PIK3C2A: variants seen among roughly 807,000 people sequenced by gnomAD.
PIK3C2A encodes the protein phosphatidylinositol 4-phosphate 3-kinase C2 domain-containing subunit alpha.
In PIK3C2A, 97 loss-of-function variants were observed where a neutral mutation model predicts 204.5. That is an observed-to-expected ratio of 0.47 (90% CI 0.40 to 0.56). The LOEUF is 0.56. PIK3C2A is among the 20% of genes least tolerant of loss of function. The pLI is 0.00. For missense variants in PIK3C2A, 1,735 were observed against 1,969.2 expected, an observed-to-expected ratio of 0.88 and a Z score of 2.25; for synonymous variants, 653 against 664.4, an observed-to-expected ratio of 0.98 and a Z score of 0.26.
intron 9 of PIK3C2A, 49 bp downstream of exon 9, chr11:17,136,433 T>TAAA (rs1249937722): frequency 7.1e-7 from 1 of 1,416,192 alleles, no homozygotes; most frequent in Non-Finnish European, 9.9e-7. Context: ...ATCTCCTGTT[T>TAAA]AAGTACATAT....
At chr11:17,148,860 A>G (rs1590964006) in intron 4 of PIK3C2A, 73 bp from the exon 5 acceptor site, 1 of 1,244,814 alleles carries the variant, frequency 8.0e-7, no homozygotes, top group East Asian at 2.4e-5. Flanking sequence ...TTATAATTTA[A>G]GACAGCAGTA....
rs1422042603 is a variant in PIK3C2A at position 17,110,492 on chromosome 11, T to C, written c.3484A>G (p.Lys1162Glu). ...MIKIMDKIWL[K>E]EGLDLRMVIF... ...ACCATCCTCAGATCTAGTCCTTCTT[T>C]AAGCCAGATCTTATCCATAATCTTT... is the stretch of plus-strand genomic sequence containing the variant. Residue 1162 changes from lysine (K) to glutamate (E), a missense_variant, in exon 22 of 33, where the codon AAA (lysine) becomes GAA (glutamate). By Grantham distance (56) the Lys-to-Glu change is moderately conservative. Around this residue, in one of 6 missense-constraint regions of PIK3C2A, gnomAD observed 503 missense variants for 669.0 expected, o/e 0.75. Transcript: ENST00000691414. 3 of 1,609,426 alleles carry C rather than the reference T, an allele frequency of 1.9e-6. No individual in the cohort carries two copies. The highest frequency in any genetic ancestry group is 1.7e-4 in the Middle Eastern group (1 of 6,058).
rs1565263448 is a variant in PIK3C2A at position 17,132,058 on chromosome 11, C to G, written c.2109-20G>C. On this transcript the variant is annotated intron_variant, in intron 11 of 32. Coordinates refer to ENST00000691414, the MANE Select transcript of PIK3C2A (RefSeq NM_002645.4). ...TCATAACTGAGAAAAGAAAGTTTAA[C>G]TTGATTTCTATCATGATAATACAAA... The G allele has an allele frequency of 7.1e-7, 1 of 1,405,442 alleles. No individual in the cohort carries two copies. Among genetic ancestry groups the G allele is most frequent in the Non-Finnish European group, 9.8e-7 (1 of 1,016,560 alleles). 87.1% of individuals were successfully genotyped at this position (1,405,442 alleles called of 1,614,324 possible). A position where few individuals can be genotyped will look rare whatever the true frequency, so the allele number is the denominator to read the frequency against.
rs547531559 is a variant in PIK3C2A, at chr11:17,099,941, G to T, written c.4037C>A (p.Thr1346Lys). ...AACGTATTTCAAATCTTGAATACTT[G>T]TAAGTTCTGGTAACCCTGAAGGAAT... Reference protein sequence around the residue: ...LMIPSGLPELTSIQDLKYVRD... With the variant: ...LMIPSGLPELKSIQDLKYVRD... Residue 1346 changes from threonine (T) to lysine (K), a missense_variant, in exon 26 of 33, where the codon ACA becomes AAA. Physicochemically the swap from Thr to Lys is moderately conservative, Grantham distance 78. Coordinates refer to ENST00000691414, the MANE Select transcript of PIK3C2A (RefSeq NM_002645.4). 3 of 1,574,194 alleles carry T rather than the reference G, an allele frequency of 1.9e-6. No individual in the cohort carries two copies. The highest frequency in any genetic ancestry group is 2.6e-6 in the Non-Finnish European group (3 of 1,144,558).
rs554808932 is a variant in PIK3C2A at position 17,091,598 on chromosome 11, G to C, written c.4701C>G (p.Ile1567Met). The change falls in exon 31 of 33, where the codon ATC becomes ATG. Residue 1567 changes from isoleucine to methionine, a missense_variant. Physicochemically the swap from Ile to Met is conservative, Grantham distance 10. Transcript: ENST00000691414. ...TGAAAAGAGTACCATTTCGGTAAGA[G>C]ATGGATAATTTCACAGCTCCTCCTA... Reference protein sequence around the residue: ...GQIGGAVKLSISYRNGTLFIM... With the variant: ...GQIGGAVKLSMSYRNGTLFIM... 1 of 1,613,188 alleles carries C rather than the reference G, an allele frequency of 6.2e-7. No individual in the cohort carries two copies. Among genetic ancestry groups the C allele is most frequent in the Non-Finnish European group, 8.5e-7 (1 of 1,179,152 alleles).
In PIK3C2A at chr11:17,122,764, T is replaced by C. The variant is rs1849404296; in HGVS notation, c.2449A>G (p.Thr817Ala). The C allele has an allele frequency of 6.4e-7, 1 of 1,572,842 alleles. No individual in the cohort carries two copies. The highest frequency in any genetic ancestry group is 1.3e-5 in the African/African-American group (1 of 74,086). The change falls in exon 14 of 33, where the codon ACA becomes GCA. Residue 817 changes from threonine (T) to alanine (A), a missense_variant. Physicochemically the swap from Thr to Ala is moderately conservative, Grantham distance 58. Coordinates refer to ENST00000691414, the MANE Select transcript of PIK3C2A (RefSeq NM_002645.4). ...KLLYLWTSSH[T>A]NSVPGTVTKK... ...GTAACTGTTCCAGGAACAGAATTTGTATGTGATGAAGTCCAAAGATATAGA... is the reference window on the plus strand; with the variant it reads ...GTAACTGTTCCAGGAACAGAATTTGCATGTGATGAAGTCCAAAGATATAGA...
chr11:17,145,598 A>C (rs534684996), intron 8 of PIK3C2A, 70 bp downstream of exon 8: 2 of 860,588 alleles, frequency 2.3e-6, no homozygotes, highest in Non-Finnish European at 3.9e-6. Flanking sequence ...CAATGCCAAC[A>C]CTACCATTTA....
At chr11:17,138,476 A>G (rs1226060593) in intron 8 of PIK3C2A, among the ~76,000 whole-genome samples, 1 of 151,978 alleles carries the variant, frequency 6.6e-6, no homozygotes, top group Non-Finnish European at 1.5e-5. Flanking sequence ...TATTCCTGTG[A>G]GAGCCATACT....
intron 11 of PIK3C2A, among the ~76,000 whole-genome samples, 173 bp downstream of exon 11, chr11:17,134,646 C>T (rs1307743285): frequency 1.3e-5 from 2 of 152,182 alleles, no homozygotes; most frequent in Admixed American, 6.5e-5. Flanking sequence ...CAGGCATGAG[C>T]CACCGTGCCT....
At chr11:17,101,174 A>C (rs1200788125) in intron 25 of PIK3C2A, 104 bp downstream of exon 25, 1 of 688,516 alleles carries the variant, frequency 1.5e-6, no homozygotes, top group African/African-American at 1.8e-5. Flanking sequence ...GACATTTGTG[A>C]CTAAAGCAAA....
At chr11:17,178,997 G>A (rs374578474) in intron 1 of PIK3C2A, among the ~76,000 whole-genome samples, 10 of 151,734 alleles carry the variant, frequency 6.6e-5, no homozygotes, top group African/African-American at 1.9e-4. Context: ...CCAAAGTGCT[G>A]GGATTACAGG....
chr11:17,115,146 G>C (rs1849137885), intron 19 of PIK3C2A, among the ~76,000 whole-genome samples: 1 of 151,970 alleles, frequency 6.6e-6, no homozygotes, highest in South Asian at 2.1e-4. Context: ...AATTGCAAGT[G>C]TCCCCTGAAT....
At chr11:17,198,447 TTTGTC>T (rs1391043978) in intron 1 of PIK3C2A, among the ~76,000 whole-genome samples, 1 of 152,162 alleles carries the variant, frequency 6.6e-6, no homozygotes, top group Non-Finnish European at 1.5e-5. Context: ...TTGATCTCCC[TTTGTC>T]TTTAGTTTTC....
chr11:17,156,896 C>T (rs970272118), intron 2 of PIK3C2A, among the ~76,000 whole-genome samples: 3 of 151,880 alleles, frequency 2.0e-5, no homozygotes, highest in African/African-American at 7.3e-5. Context: ...TCCCAGGTAC[C>T]CAGGAGGCTA....
intron 2 of PIK3C2A, among the ~76,000 whole-genome samples, chr11:17,163,331 A>G (rs1850844207): frequency 6.6e-6 from 1 of 152,138 alleles, no homozygotes; most frequent in Admixed American, 6.5e-5. Context: ...AAAACAAACA[A>G]ACAAATAGGA....
chr11:17,117,904 G>A (rs536394036), intron 18 of PIK3C2A, among the ~76,000 whole-genome samples: 163 of 151,448 alleles, frequency 1.1e-3, no homozygotes, highest in African/African-American at 3.8e-3. Context: ...TAGTAGAGAT[G>A]GGGTTTCACT....
chr11:17,119,946 A>AT lies in PIK3C2A; in HGVS notation c.2685dup (p.Trp896MetfsTer16), dbSNP rs1196773216. 1 of 1,593,740 alleles carries AT rather than the reference A, an allele frequency of 6.3e-7. No individual in the cohort carries two copies. The highest frequency in any genetic ancestry group is 8.6e-7 in the Non-Finnish European group (1 of 1,166,726). On this transcript the variant is annotated frameshift_variant, in exon 16 of 33. Coordinates refer to ENST00000691414, the MANE Select transcript of PIK3C2A (RefSeq NM_002645.4). LOFTEE classifies it high-confidence loss of function. The stretch of plus-strand genomic sequence containing the variant: ...TTGAAGCAATAATAACGTTTCTCCC[A>AT]TAAAAAAGCTTTATCTTCTTTAGAA...
intron 2 of PIK3C2A, among the ~76,000 whole-genome samples, chr11:17,163,762 T>C (rs1850858491): frequency 6.6e-6 from 1 of 152,110 alleles, no homozygotes; most frequent in Non-Finnish European, 1.5e-5. Context: ...TCATCTAATG[T>C]AACACAAAGT....
intron 4 of PIK3C2A, among the ~76,000 whole-genome samples, chr11:17,149,292 A>G (rs568138890): frequency 1.3e-5 from 2 of 152,240 alleles, no homozygotes; most frequent in Non-Finnish European, 2.9e-5. Flanking sequence ...AAAAAATCAC[A>G]TGTACCCCAT....
Sources: gnomAD v4.1 joint callset for allele counts (sites outside exome capture counted in the v4.1 genomes callset) on GRCh38, gnomAD v4.1.1 for gene constraint, gnomAD v4.1.1 regional missense constraint, MANE v1.5 for transcripts, NCBI Gene and HGNC (gene_info 2026-07-23, HGNC 2026-07-21) for gene names.